Variants in MYH11 observed in about 807,000 individuals in gnomAD.
MYH11 encodes the protein myosin heavy chain 11, also known as myosin-11.
In MYH11, 80 loss-of-function variants were observed where a neutral mutation model predicts 246.6. That is an observed-to-expected ratio of 0.32 (90% confidence interval 0.27 to 0.39). MYH11 has a LOEUF of 0.39. Ranked by LOEUF, MYH11 falls within the 10% of genes least tolerant of loss-of-function variation. The pLI is 1.00. For missense variants in MYH11, 2,158 were observed against 2,546.8 expected (o/e 0.85, Z 3.29); for synonymous variants, 1,071 against 1,015.5 (o/e 1.05, Z -1.04).
intron 10 of MYH11, among the ~76,000 whole-genome samples, chr16:15,760,934 C>G (rs1261269938): frequency 1.3e-5 from 2 of 152,128 alleles, no homozygotes; most frequent in African/African-American, 4.8e-5. Context: ...AGTCCCTGTC[C>G]CTTCACACTT....
chr16:15,745,659 C>T (rs1177988380), intron 19 of MYH11, among the ~76,000 whole-genome samples: 3 of 144,202 alleles, frequency 2.1e-5, no homozygotes, highest in Non-Finnish European at 3.0e-5. Flanking sequence ...ACGATCTCAG[C>T]TCACTGCAAA....
rs546875179 is a variant in MYH11, at chr16:15,824,426, C to T, written c.346-1015G>A. Among the ~76,000 whole-genome samples the T allele has an allele frequency of 5.3e-5, 8 of 152,130 alleles. No individual in the cohort carries two copies. The South Asian group carries it at 1.5e-3, about 28-fold the overall frequency. On this transcript the variant is annotated intron_variant, in intron 2 of 40. Coordinates refer to ENST00000300036, the MANE Select transcript of MYH11 (RefSeq NM_002474.3). ...CCAAGTAGGTGGTACCACAGGTGTG[C>T]ACAACCATGCCCAGGTAATTTTTAT...
chr16:15,807,341 G>C (rs1337502683), intron 3 of MYH11, among the ~76,000 whole-genome samples: 1 of 152,062 alleles, frequency 6.6e-6, no homozygotes. Context: ...CCCAGGGTGG[G>C]AGTCAGATGG....
intron 3 of MYH11, among the ~76,000 whole-genome samples, chr16:15,811,091 C>T (rs2043127536): frequency 6.6e-6 from 1 of 152,142 alleles, no homozygotes. Context: ...GTTCAATCCT[C>T]ATTGGGGGAG....
intron 9 of MYH11, 89 bp from the exon 10 acceptor site, chr16:15,763,980 G>C: frequency 1.0e-6 from 1 of 978,466 alleles, no homozygotes. Context: ...TGGGGACCCA[G>C]AGCCAGCTTA....
chr16:15,822,362 G>A (rs1446144996), intron 3 of MYH11, among the ~76,000 whole-genome samples: 1 of 152,038 alleles, frequency 6.6e-6, no homozygotes, highest in Non-Finnish European at 1.5e-5. Context: ...GGCTATTTCA[G>A]GGGCTCCAAA....
At chr16:15,718,236 C>T (rs976436196) in intron 37 of MYH11, 79 bp downstream of exon 37, 37 of 1,598,704 alleles carry the variant, frequency 2.3e-5, no homozygotes, top group African/African-American at 5.3e-5. Flanking sequence ...GAAGCCGCCA[C>T]GCGTGTGTTG....
chr16:15,745,580 TTC>T (rs1421049064), intron 19 of MYH11, among the ~76,000 whole-genome samples: 2 of 129,672 alleles, frequency 1.5e-5, no homozygotes, highest in South Asian at 2.4e-4. Flanking sequence ...TTTTCTTTCT[TTC>T]TTTTTTTTTT....
At chr16:15,779,261 C>G (rs938468124) in intron 6 of MYH11, 14 of 324,682 alleles carry the variant, frequency 4.3e-5, no homozygotes, top group African/African-American at 3.0e-4. Flanking sequence ...ACCTCACCCT[C>G]CCAAGCAGCT....
chr16:15,797,538 A>AAT (rs57880491), intron 4 of MYH11, among the ~76,000 whole-genome samples: 165 of 147,296 alleles, frequency 1.1e-3, no homozygotes, highest in Middle Eastern at 3.6e-3. Context: ...CAGACCTTCA[A>AAT]ATATATATAT....
chr16:15,720,355 G>A (rs778880114), intron 33 of MYH11, 43 bp from the exon 34 acceptor site: 6 of 1,595,244 alleles, frequency 3.8e-6, no homozygotes, highest in East Asian at 2.3e-5. Flanking sequence ...CTTGCCCCTG[G>A]GAGGTCCTTT....
chr16:15,806,279 C>CAAAAAAAAAAAAAAAAAA (rs71134463), intron 3 of MYH11, among the ~76,000 whole-genome samples: 1 of 61,124 alleles, frequency 1.6e-5, no homozygotes, highest in African/African-American at 5.5e-5. Flanking sequence ...CACTCTGTCT[C>CAAAAAAAAAAAAAAAAAA]AAAAAAAAAA....
chr16:15,812,445 G>A (rs1596882930), intron 3 of MYH11, among the ~76,000 whole-genome samples: 2 of 148,808 alleles, frequency 1.3e-5, no homozygotes, highest in South Asian at 2.1e-4. Context: ...GGCTGGGCAC[G>A]GTGGCTCATA....
At chr16:15,738,518 A>T (rs966899419) in intron 24 of MYH11, 47 bp downstream of exon 24, 9 of 1,551,226 alleles carry the variant, frequency 5.8e-6, no homozygotes, top group Non-Finnish European at 7.9e-6. Flanking sequence ...ATCTCTAAAA[A>T]AAATAATAAA....
intron 36 of MYH11, 142 bp from the exon 37 acceptor site, chr16:15,718,580 C>A (rs2040297061): frequency 1.6e-5 from 20 of 1,272,116 alleles, no homozygotes; most frequent in Non-Finnish European, 2.1e-5. Context: ...GAAGACTCAT[C>A]TGTAGTTACA....
chr16:15,703,933 T>G lies in MYH11; in HGVS notation c.*58A>C. On this transcript the variant is annotated 3_prime_UTR_variant, in exon 41 of 41. Transcript: ENST00000300036. ...TTCTGGGTTGTTGTTGGGTTTTTTT[T>G]GTTTGTTTGTTTTGGTTTTTGGTTT... 3 of 1,609,340 alleles carry G rather than the reference T, an allele frequency of 1.9e-6. No individual in the cohort carries two copies. The highest frequency in any genetic ancestry group is 2.5e-6 in the Non-Finnish European group (3 of 1,177,582).
At chr16:15,782,614 T>G in intron 5 of MYH11, 137 bp from the exon 6 acceptor site, 1 of 687,350 alleles carries the variant, frequency 1.5e-6, no homozygotes, top group African/African-American at 1.8e-5. Context: ...TAGACCCTGA[T>G]GCTAATGTTC....
intron 31 of MYH11, among the ~76,000 whole-genome samples, chr16:15,723,472 C>T (rs1596727362): frequency 3.3e-5 from 5 of 152,254 alleles, no homozygotes; most frequent in Admixed American, 2.6e-4. Flanking sequence ...CATGGCAAAA[C>T]CCCATCTCTA....
At chr16:15,744,258 G>A (rs930712593) in intron 20 of MYH11, among the ~76,000 whole-genome samples, 6 of 151,992 alleles carry the variant, frequency 3.9e-5, no homozygotes, top group South Asian at 4.1e-4. Flanking sequence ...ACAGTGGCGC[G>A]ATCTCAGCTC....
Sources: gnomAD v4.1 joint callset for allele counts (sites outside exome capture counted in the v4.1 genomes callset) on GRCh38, gnomAD v4.1.1 for gene constraint, MANE v1.5 for transcripts, NCBI Gene and HGNC (gene_info 2026-07-23, HGNC 2026-07-21) for gene names.